ADAMTSL1: variants seen among roughly 807,000 people sequenced by gnomAD.
ADAMTSL1 encodes ADAMTS-like protein 1.
ADAMTSL1 carries 126 observed loss-of-function variants against 201.8 expected under a neutral mutation model. That is an observed-to-expected ratio of 0.62 (90% CI 0.54 to 0.72). The LOEUF is 0.72. ADAMTSL1 is among the 30% of genes least tolerant of loss of function. The pLI is 0.00. For missense variants in ADAMTSL1, 2,679 were observed against 2,277.8 expected (o/e 1.18, Z -3.59); for synonymous variants, 1,121 against 903.4 (o/e 1.24, Z -4.32).
chr9:18,195,613 A>G (rs1405584132), intron 2 of ADAMTSL1, among the ~76,000 whole-genome samples: 5 of 152,124 alleles, frequency 3.3e-5, no homozygotes. Context: ...CATTTCTTCT[A>G]GTGGTGTTTT....
intron 2 of ADAMTSL1, among the ~76,000 whole-genome samples, chr9:18,268,307 C>A (rs1378593996): frequency 6.6e-6 from 1 of 152,150 alleles, no homozygotes; most frequent in African/African-American, 2.4e-5. Context: ...CCTTTTGGGG[C>A]ATATTGGTTC....
rs373837581 is a variant in ADAMTSL1, at chr9:18,829,890, G to A, written c.4162G>A (p.Ala1388Thr). The change falls in exon 23 of 29, where the codon GCT (alanine) becomes ACT (threonine). Residue 1388 changes from alanine (A) to threonine (T), a missense_variant. Transcript: ENST00000380548. ...GTTGGAAGACATCAGGGCCTTGCTC[G>A]CTGCCACTGGACCGAACCTTCCTTC... ...TQLEDIRALL[A>T]ATGPNLPSVL... is the part of the protein sequence containing the mutation. 2.5e-5 allele frequency: 41 copies of A among 1,613,786 alleles called. No individual in the cohort carries two copies. The highest frequency in any genetic ancestry group is 2.0e-4 in the South Asian group (18 of 91,076).
chr9:18,533,396 C>A, intron 3 of ADAMTSL1, 104 bp downstream of exon 3: 1 of 912,288 alleles, frequency 1.1e-6, no homozygotes. Context: ...TAGTATTTCA[C>A]TGAGAGTTTT....
intron 2 of ADAMTSL1, among the ~76,000 whole-genome samples, chr9:18,187,861 A>C (rs72701538): frequency 0.032 from 4,942 of 152,268 alleles, 118 homozygotes; most frequent in Non-Finnish European, 0.053. Flanking sequence ...GGAAATAAAA[A>C]TATGTCATGT....
At chr9:18,094,026 T>G (rs141786132) in intron 1 of ADAMTSL1, among the ~76,000 whole-genome samples, 1 of 152,120 alleles carries the variant, frequency 6.6e-6, no homozygotes. Context: ...ATCATTTCAT[T>G]TTGTCAGACA....
At chr9:18,630,186 G>A (rs1405100568) in intron 5 of ADAMTSL1, among the ~76,000 whole-genome samples, 1 of 152,112 alleles carries the variant, frequency 6.6e-6, no homozygotes, top group Non-Finnish European at 1.5e-5. Context: ...GCCATGTTTG[G>A]TCTAGAGCTA....
chr9:18,648,875 C>T (rs1318920239), intron 7 of ADAMTSL1, among the ~76,000 whole-genome samples: 3 of 152,084 alleles, frequency 2.0e-5, no homozygotes, highest in African/African-American at 4.8e-5. Flanking sequence ...CTTGGAGTTG[C>T]TCTTCTCGAG....
At chr9:18,219,865 T>G (rs1245343943) in intron 2 of ADAMTSL1, among the ~76,000 whole-genome samples, 1 of 152,232 alleles carries the variant, frequency 6.6e-6, no homozygotes, top group Non-Finnish European at 1.5e-5. Flanking sequence ...TTGCTGATCT[T>G]GTATCTAGAA....
chr9:18,158,005 C>T lies in ADAMTSL1; in HGVS notation c.88-5857C>T, dbSNP rs568540645. ...AACGTTTAGTCACCCACCAACACAG[C>T]AACCAAAAATACTCACAGAGGTAAA... On this transcript the variant is annotated intron_variant, in intron 1 of 29. Transcript: ENST00000680146. Among the ~76,000 whole-genome samples the T allele has an allele frequency of 1.5e-3, 235 of 152,112 alleles. 1 individual carries two copies. The highest frequency in any genetic ancestry group is 4.8e-3 in the African/African-American group (201 of 41,530).
intron 1 of ADAMTSL1, among the ~76,000 whole-genome samples, chr9:18,022,708 A>T (rs1820529569): frequency 1.3e-5 from 2 of 152,222 alleles, no homozygotes; most frequent in African/African-American, 2.4e-5. Flanking sequence ...AATAGCCTTT[A>T]TAACCAAAAT....
chr9:18,103,339 A>C (rs1357024841), intron 1 of ADAMTSL1, among the ~76,000 whole-genome samples: 1 of 152,168 alleles, frequency 6.6e-6, no homozygotes, highest in Non-Finnish European at 1.5e-5. Flanking sequence ...TACATGCTAC[A>C]TATATTGTTA....
chr9:18,128,690 A>C (rs1825834216), intron 1 of ADAMTSL1, among the ~76,000 whole-genome samples: 1 of 152,214 alleles, frequency 6.6e-6, no homozygotes, highest in South Asian at 2.1e-4. Flanking sequence ...CTAGAAATTC[A>C]GTAATTCAGC....
At position 18,826,194 on chromosome 9, in the gene ADAMTSL1, G is replaced by A. The variant is rs565093273; in HGVS notation, c.3935-90G>A. On this transcript the variant is annotated intron_variant, in intron 21 of 28. Transcript: ENST00000380548. ...TCCCTGTAGAGCAGCCCCAGGGAAG[G>A]GGGATTCAAGAAGCTATAAATGCCT... is the stretch of plus-strand genomic sequence containing the variant. 6 of 1,471,466 alleles carry A rather than the reference G, an allele frequency of 4.1e-6. No individual in the cohort carries two copies. In the African/African-American group the frequency reaches 5.6e-5, roughly 14 times the overall value. 91.2% of individuals were successfully genotyped at this position (1,471,466 alleles called of 1,614,324 possible). A position where few individuals can be genotyped will look rare whatever the true frequency, so the allele number is the denominator to read the frequency against.
chr9:18,426,027 A>T (rs1317459431), intron 2 of ADAMTSL1, among the ~76,000 whole-genome samples: 2 of 152,088 alleles, frequency 1.3e-5, no homozygotes, highest in African/African-American at 2.4e-5. Flanking sequence ...GGATGCTTAT[A>T]TTTTCCCCTT....
chr9:18,682,370 C>T (rs1385844012), intron 12 of ADAMTSL1, among the ~76,000 whole-genome samples: 1 of 152,128 alleles, frequency 6.6e-6, no homozygotes, highest in Non-Finnish European at 1.5e-5. Context: ...AAGTCTCATA[C>T]TTCAAACTGA....
At chr9:17,975,578 G>C (rs559806459) in intron 1 of ADAMTSL1, among the ~76,000 whole-genome samples, 1 of 151,932 alleles carries the variant, frequency 6.6e-6, no homozygotes, top group Non-Finnish European at 1.5e-5. Context: ...ATGTGGATTT[G>C]GGGGGTCACA....
chr9:18,659,979 A>G (rs1008018334), intron 8 of ADAMTSL1, among the ~76,000 whole-genome samples: 2 of 152,192 alleles, frequency 1.3e-5, no homozygotes, highest in Non-Finnish European at 2.9e-5. Flanking sequence ...ATGCACACAT[A>G]GAGCTGCTAT....
chr9:18,154,186 C>T (rs891917758), intron 1 of ADAMTSL1, among the ~76,000 whole-genome samples: 1 of 151,976 alleles, frequency 6.6e-6, no homozygotes, highest in Non-Finnish European at 1.5e-5. Flanking sequence ...TTTCCTTTCC[C>T]ACTTCAACAT....
intron 23 of ADAMTSL1, among the ~76,000 whole-genome samples, chr9:18,887,627 T>G (rs1330557440): frequency 6.6e-6 from 1 of 152,180 alleles, no homozygotes. Flanking sequence ...TTTACTTAAT[T>G]GAATGAATCA....
Sources: gnomAD v4.1 joint callset for allele counts (sites outside exome capture counted in the v4.1 genomes callset) on GRCh38, gnomAD v4.1.1 for gene constraint, MANE v1.5 for transcripts, NCBI Gene and HGNC (gene_info 2026-07-23, HGNC 2026-07-21) for gene names.